The following FGF23 variants were observed in gnomAD, a reference collection of about 807,000 sequenced individuals.
FGF23 encodes the protein phosphatonin.
A neutral mutation model predicts 9.0 loss-of-function variants in FGF23; 8 were observed. That is an observed-to-expected ratio of 0.89 (90% CI 0.52 to 1.60). The LOEUF (loss-of-function observed/expected upper bound fraction) is 1.60. Ranked by LOEUF, FGF23 falls within the 40% of genes most tolerant of loss-of-function variation. The probability of loss-of-function intolerance (pLI) is 0.00; values close to 1 mark genes in which losing one functional copy is unlikely to be tolerated. For synonymous variants in FGF23, 118 were observed against 146.2 expected (o/e 0.81, Z 1.39); for missense variants, 311 against 344.3 (o/e 0.90, Z 0.77).
intron 1 of FGF23, among the ~76,000 whole-genome samples, chr12:4,376,502 T>C (rs1178316556): frequency 6.6e-6 from 1 of 152,010 alleles, no homozygotes; most frequent in East Asian, 1.9e-4. Flanking sequence ...CTACATGCAT[T>C]AATCTTTCCT....
intron 1 of FGF23, among the ~76,000 whole-genome samples, chr12:4,373,910 T>C (rs186275209): frequency 1.3e-5 from 2 of 152,190 alleles, no homozygotes; most frequent in Non-Finnish European, 2.9e-5. Context: ...ATTCCTCTTC[T>C]GCAACTGTAG....
rs1052012432 is a variant in FGF23, at chr12:4,368,978, G to A, written c.*1365C>T. On this transcript the variant is annotated 3_prime_UTR_variant, in exon 3 of 3. Transcript: ENST00000237837. ...ACTGGGAAGAAGCTGTTGTTGAATC[G>A]ACTTTGCTTGTTAATATACTGTCCT... The A allele has an allele frequency of 3.1e-5, 7 of 224,934 alleles. No individual in the cohort carries two copies. Among genetic ancestry groups the A allele is most frequent in the African/African-American group, 8.9e-5 (4 of 44,870 alleles). The allele number at this position is 224,934 out of a possible 1,614,324, so 13.9% of individuals were successfully genotyped here.
rs1267914563 is a variant in FGF23, at chr12:4,372,692, G to A, written c.217C>T (p.Leu73=). The A allele has an allele frequency of 6.2e-7, 1 of 1,608,022 alleles. No individual in the cohort carries two copies. The highest frequency in any genetic ancestry group is 8.5e-7 in the Non-Finnish European group (1 of 1,174,582). ...CCAGCATCCTCTGATCTGATCATCA[G>A]GGCACCTATGGAGAAAAACAGGCAG... is the stretch of plus-strand genomic sequence containing the variant. The part of the protein sequence containing the change: ...GAPHQTIYSA[L]MIRSEDAGFV... Residue 73 remains leucine (L), a synonymous_variant, in exon 2 of 3, where the codon CTG becomes TTG. Coordinates refer to ENST00000237837, the MANE Select transcript of FGF23 (RefSeq NM_020638.3).
At chr12:4,375,591 G>C (rs1865108929) in intron 1 of FGF23, among the ~76,000 whole-genome samples, 1 of 152,212 alleles carries the variant, frequency 6.6e-6, no homozygotes, top group Non-Finnish European at 1.5e-5. Context: ...TTGGAGCTGA[G>C]CAGGCTTAAT....
chr12:4,376,906 C>CA, intron 1 of FGF23, among the ~76,000 whole-genome samples: 1 of 152,054 alleles, frequency 6.6e-6, no homozygotes, highest in South Asian at 2.1e-4. Context: ...TTGAACAGTA[C>CA]AAAAAGTTAT....
chr12:4,371,010 C>T (rs746677723), intron 2 of FGF23, among the ~76,000 whole-genome samples: 5 of 152,206 alleles, frequency 3.3e-5, no homozygotes, highest in South Asian at 4.1e-4. Context: ...CTGGGGCCTC[C>T]GCTTACTGCC....
chr12:4,372,293 A>G (rs894630141), intron 2 of FGF23, among the ~76,000 whole-genome samples: 4 of 151,246 alleles, frequency 2.6e-5, no homozygotes, highest in Non-Finnish European at 5.9e-5. Flanking sequence ...AACCTGCACA[A>G]TGTGCACATG....
chr12:4,379,708 T>C lies in FGF23; in HGVS notation c.-126A>G, dbSNP rs570732681. On this transcript the variant is annotated 5_prime_UTR_variant, in exon 1 of 3. Coordinates refer to ENST00000237837, the MANE Select transcript of FGF23 (RefSeq NM_020638.3). The stretch of plus-strand genomic sequence containing the variant: ...AGTAGCTGGTGTGAGGATCCTAGAC[T>C]GGATTCCCTCCTTTTTGCCGTCAGA... The C allele has an allele frequency of 5.8e-5, 46 of 799,980 alleles. No homozygotes were observed. The East Asian group carries it at 1.2e-3, about 21-fold the overall frequency. The allele number at this position is 799,980 out of a possible 1,614,324, so 49.6% of individuals were successfully genotyped here. A position where few individuals can be genotyped will look rare whatever the true frequency, so the allele number is the denominator to read the frequency against.
chr12:4,370,815 T>C (rs1352804514), intron 2 of FGF23, 32 bp from the exon 3 acceptor site: 1 of 1,605,492 alleles, frequency 6.2e-7, no homozygotes, highest in Admixed American at 1.7e-5. Context: ...ACGTGAAGGC[T>C]GGCAGTGGGG....
At chr12:4,377,490 G>A (rs1865130405) in intron 1 of FGF23, among the ~76,000 whole-genome samples, 1 of 136,754 alleles carries the variant, frequency 7.3e-6, no homozygotes, top group Non-Finnish European at 1.5e-5. Flanking sequence ...GAGTGCAGTG[G>A]CGCAATCTCG....
Position 4,370,078 on chromosome 12 carries a change from T to G in FGF23, c.*265A>C. ...GAGAGACCCCTTCTCTCTACCTTCA[T>G]GAAGGGGAAATTTCTAGTTTACCTG... On this transcript the variant is annotated 3_prime_UTR_variant, in exon 3 of 3. Coordinates refer to ENST00000237837, the MANE Select transcript of FGF23 (RefSeq NM_020638.3). 1 of 411,492 alleles carries G rather than the reference T, an allele frequency of 2.4e-6. No individual in the cohort carries two copies. Among genetic ancestry groups the G allele is most frequent in the Non-Finnish European group, 4.4e-6 (1 of 228,996 alleles). 25.5% of individuals were successfully genotyped at this position (411,492 alleles called of 1,614,324 possible). A position where few individuals can be genotyped will look rare whatever the true frequency, so the allele number is the denominator to read the frequency against.
At chr12:4,379,211 A>G (rs1865150287) in intron 1 of FGF23, among the ~76,000 whole-genome samples, 161 bp downstream of exon 1, 1 of 151,064 alleles carries the variant, frequency 6.6e-6, no homozygotes, top group South Asian at 2.1e-4. Flanking sequence ...GCACACACAC[A>G]CACACACAAA....
At position 4,369,698 on chromosome 12, in the gene FGF23, C is replaced by T. The variant is rs1369116287; in HGVS notation, c.*645G>A. The stretch of plus-strand genomic sequence containing the variant: ...TTCTATTATGATTCCTGCCTCATTT[C>T]AGCAAGCATCAAGTCTAGCTGTCAA... On this transcript the variant is annotated 3_prime_UTR_variant, in exon 3 of 3. Coordinates refer to ENST00000237837, the MANE Select transcript of FGF23 (RefSeq NM_020638.3). 1 of 229,248 alleles carries T rather than the reference C, an allele frequency of 4.4e-6. No individual in the cohort carries two copies. The highest frequency in any genetic ancestry group is 8.6e-6 in the Non-Finnish European group (1 of 115,618). The allele number at this position is 229,248 out of a possible 1,614,324, so 14.2% of individuals were successfully genotyped here.
rs58735464 is a variant in FGF23 at position 4,369,970 on chromosome 12, CTTTTTTTTTTTTTTT to C, written c.*358_*372del. 3 of 90,940 alleles carry C rather than the reference CTTTTTTTTTTTTTTT, an allele frequency of 3.3e-5. No homozygotes were observed. The highest frequency in any genetic ancestry group is 7.5e-5 in the African/African-American group (1 of 13,260). The allele number at this position is 90,940 out of a possible 1,614,324, so 5.6% of individuals were successfully genotyped here. Reference sequence around the variant, plus strand: ...AAGTCTTGAGCTCAGGAACCCACTGCTTTTTTTTTTTTTTTTTTTTTTTTTTTTTTTTATGCTTAA... The same window carrying C: ...AAGTCTTGAGCTCAGGAACCCACTGCTTTTTTTTTTTTTTTTTATGCTTAA... On this transcript the variant is annotated 3_prime_UTR_variant, in exon 3 of 3. Coordinates refer to ENST00000237837, the MANE Select transcript of FGF23 (RefSeq NM_020638.3).
rs774667727 is a variant in FGF23, at chr12:4,370,281, G to T, written c.*62C>A. 193 of 1,501,966 alleles carry T rather than the reference G, an allele frequency of 1.3e-4. 1 individual carries two copies. Among genetic ancestry groups the T allele is most frequent in the Non-Finnish European group, 1.7e-4 (183 of 1,085,772 alleles). The allele number at this position is 1,501,966 out of a possible 1,614,324, so 93.0% of individuals were successfully genotyped here. On this transcript the variant is annotated 3_prime_UTR_variant, in exon 3 of 3. Coordinates refer to ENST00000237837, the MANE Select transcript of FGF23 (RefSeq NM_020638.3). ...CCATCCTCGGAACGTCAAGGGACCTGGTCCTTGGGAAGAGCTGCGTTTGCT... is the reference window on the plus strand; with the variant it reads ...CCATCCTCGGAACGTCAAGGGACCTTGTCCTTGGGAAGAGCTGCGTTTGCT...
rs548199167 is a variant in FGF23 at position 4,372,948 on chromosome 12, C to T, written c.212-251G>A. ...TGCCTGTATGGGGCACTCTGAGCTC[C>T]TGGAATTCTTCTACCTGTGCTGAAC... On this transcript the variant is annotated intron_variant, in intron 1 of 2. Transcript: ENST00000237837. 1.9e-4 allele frequency among the ~76,000 whole-genome samples: 29 copies of T among 152,330 alleles called. No homozygotes were observed. In the South Asian group the frequency reaches 4.1e-3, roughly 22 times the overall value.
At chr12:4,378,165 A>G (rs1267681599) in intron 1 of FGF23, among the ~76,000 whole-genome samples, 1 of 152,214 alleles carries the variant, frequency 6.6e-6, no homozygotes, top group Non-Finnish European at 1.5e-5. Context: ...TATATCTTGC[A>G]ACTTAATTTT....
chr12:4,373,652 T>C (rs1012659770), intron 1 of FGF23, among the ~76,000 whole-genome samples: 10 of 152,222 alleles, frequency 6.6e-5, no homozygotes, highest in Admixed American at 5.9e-4. Flanking sequence ...TCTTAAGTAA[T>C]TGATAATGGC....
intron 1 of FGF23, among the ~76,000 whole-genome samples, chr12:4,377,523 C>T (rs186123149): frequency 0.014 from 2,003 of 146,272 alleles, 43 homozygotes; most frequent in East Asian, 0.037. Context: ...CTCTGCCTCC[C>T]GGGTTCACGC....
Sources: gnomAD v4.1 joint callset for allele counts (sites outside exome capture counted in the v4.1 genomes callset) on GRCh38, gnomAD v4.1.1 for gene constraint, MANE v1.5 for transcripts, NCBI Gene and HGNC (gene_info 2026-07-23, HGNC 2026-07-21) for gene names.